TRPM6: variants seen among roughly 807,000 people sequenced by gnomAD.
The protein encoded by TRPM6 is channel kinase 2.
In TRPM6, 111 loss-of-function variants were observed where a neutral mutation model predicts 247.6. That is an observed-to-expected ratio of 0.45 (90% CI 0.38 to 0.52). The LOEUF (loss-of-function observed/expected upper bound fraction) is 0.52. Among genes scored for constraint, TRPM6 ranks in the 20% least tolerant of loss-of-function variants. TRPM6 has a pLI of 0.00. For missense variants in TRPM6, 2,126 were observed against 2,421.5 expected, an observed-to-expected ratio of 0.88 and a Z score of 2.56; for synonymous variants, 892 against 853.8, an observed-to-expected ratio of 1.04 and a Z score of -0.78.
At chr9:74,769,793 A>AAGGAAAGGAGGGAGGGAGGG (rs71368678) in intron 25 of TRPM6, among the ~76,000 whole-genome samples, 1 of 125,868 alleles carries the variant, frequency 7.9e-6, no homozygotes, top group Non-Finnish European at 1.6e-5. Context: ...GGACGGAAGG[A>AAGGAAAGGAGGGAGGGAGGG]AGGGAGGGAG....
At chr9:74,877,826 C>T (rs1163677441) in intron 1 of TRPM6, among the ~76,000 whole-genome samples, 1 of 152,122 alleles carries the variant, frequency 6.6e-6, no homozygotes, top group Non-Finnish European at 1.5e-5. Context: ...GCAGCAGGGC[C>T]ACAATGCAGC....
chr9:74,817,563 A>G (rs556467109), intron 9 of TRPM6, among the ~76,000 whole-genome samples: 3 of 152,176 alleles, frequency 2.0e-5, no homozygotes, highest in African/African-American at 4.8e-5. Flanking sequence ...AGTGGACCCA[A>G]TGAGCAAGTA....
chr9:74,737,230 T>C (rs1825724235), intron 36 of TRPM6: 1 of 204,580 alleles, frequency 4.9e-6, no homozygotes, highest in Admixed American at 6.5e-5. Context: ...GTGAGCAGCA[T>C]AAATCTGAAA....
intron 16 of TRPM6, 69 bp from the exon 17 acceptor site, chr9:74,800,551 G>A (rs1828289446): frequency 7.5e-6 from 8 of 1,066,946 alleles, no homozygotes; most frequent in Non-Finnish European, 1.0e-5. Context: ...AAACATTTTA[G>A]AACATTTAGA....
At chr9:74,845,869 T>C (rs1300646584) in intron 3 of TRPM6, among the ~76,000 whole-genome samples, 1 of 152,166 alleles carries the variant, frequency 6.6e-6, no homozygotes, top group Admixed American at 6.6e-5. Context: ...TTTTATGCAT[T>C]ATCTACAACA....
intron 14 of TRPM6, among the ~76,000 whole-genome samples, chr9:74,805,489 A>G (rs1444681095): frequency 1.3e-5 from 2 of 152,244 alleles, no homozygotes; most frequent in Non-Finnish European, 2.9e-5. Flanking sequence ...CAATTTTCAG[A>G]CAATGCTACT....
At chr9:74,858,077 T>G (rs1371957109) in intron 2 of TRPM6, among the ~76,000 whole-genome samples, 1 of 152,198 alleles carries the variant, frequency 6.6e-6, no homozygotes, top group African/African-American at 2.4e-5. Flanking sequence ...AATAACTTCT[T>G]TGTACTTCAT....
intron 9 of TRPM6, among the ~76,000 whole-genome samples, chr9:74,819,694 A>G (rs1829075384): frequency 6.6e-6 from 1 of 152,178 alleles, no homozygotes; most frequent in African/African-American, 2.4e-5. Flanking sequence ...GGATTTACTC[A>G]GGACGCTGTG....
At chr9:74,881,333 C>CA (rs899570741) in intron 1 of TRPM6, among the ~76,000 whole-genome samples, 1 of 151,404 alleles carries the variant, frequency 6.6e-6, no homozygotes, top group East Asian at 1.9e-4. Flanking sequence ...TTAAAAGAGA[C>CA]AAAAAATGTA....
chr9:74,738,448 T>G lies in TRPM6; in HGVS notation c.5735A>C (p.Tyr1912Ser). The change falls in exon 36 of 39, where the codon TAT (tyrosine) becomes TCT (serine). Residue 1912 changes from tyrosine (Y) to serine (S), a missense_variant. By Grantham distance (144) the Tyr-to-Ser change is moderately radical (BLOSUM62 -2). This residue lies in a region of TRPM6 where 327 missense variants were observed against 397.7 expected (regional missense o/e 0.82). Transcript: ENST00000360774. ...CAGCAGCTCTCCCCGAGTGTACTCA[T>G]AGGTCCAGTGAGAGAAAGCCAACAT... The part of the protein sequence containing the change: ...ELMLAFSHWT[Y>S]EYTRGELLVL... The G allele has an allele frequency of 6.2e-7, 1 of 1,614,114 alleles. No individual in the cohort carries two copies. The highest frequency in any genetic ancestry group is 8.5e-7 in the Non-Finnish European group (1 of 1,179,982).
intron 21 of TRPM6, among the ~76,000 whole-genome samples, chr9:74,784,626 G>A (rs947907646): frequency 2.0e-5 from 3 of 152,104 alleles, no homozygotes; most frequent in Non-Finnish European, 4.4e-5. Context: ...CATGAATCTC[G>A]TCCTTGGGAA....
At chr9:74,784,531 A>C (rs1227445387) in intron 21 of TRPM6, among the ~76,000 whole-genome samples, 2 of 152,178 alleles carry the variant, frequency 1.3e-5, no homozygotes, top group South Asian at 2.1e-4. Flanking sequence ...AGCACGATTT[A>C]AGAGTGTGAT....
At chr9:74,753,523 C>T (rs1485407686) in intron 28 of TRPM6, among the ~76,000 whole-genome samples, 1 of 152,018 alleles carries the variant, frequency 6.6e-6, no homozygotes, top group Non-Finnish European at 1.5e-5. Context: ...TAGTGAGACC[C>T]CCATCTCTAC....
intron 1 of TRPM6, chr9:74,887,423 G>A: frequency 2.5e-6 from 3 of 1,213,680 alleles, no homozygotes; most frequent in East Asian, 2.6e-5. Flanking sequence ...TCTCTCCTCC[G>A]GATTCTCAGC....
At chr9:74,782,545 T>C in intron 22 of TRPM6, 69 bp from the exon 23 acceptor site, 1 of 1,446,030 alleles carries the variant, frequency 6.9e-7, no homozygotes, top group Non-Finnish European at 9.7e-7. Flanking sequence ...TAGACACACA[T>C]TTAGCACATT....
At chr9:74,868,349 G>T (rs918809418) in intron 1 of TRPM6, among the ~76,000 whole-genome samples, 2 of 151,672 alleles carry the variant, frequency 1.3e-5, no homozygotes, top group Non-Finnish European at 2.9e-5. Flanking sequence ...ACAAAAATTA[G>T]CTGGGCATGG....
intron 14 of TRPM6, among the ~76,000 whole-genome samples, 196 bp downstream of exon 14, chr9:74,807,838 C>T (rs1425075666): frequency 6.6e-6 from 1 of 152,176 alleles, no homozygotes; most frequent in East Asian, 1.9e-4. Context: ...AGTTTCTAAA[C>T]TTCTGATCCT....
intron 18 of TRPM6, among the ~76,000 whole-genome samples, chr9:74,794,368 C>A (rs894531371): frequency 3.9e-5 from 6 of 151,930 alleles, no homozygotes; most frequent in African/African-American, 1.5e-4. Flanking sequence ...AAAAATGTGA[C>A]TTTTAAGGCC....
At chr9:74,751,937 T>C (rs1038151432) in intron 29 of TRPM6, among the ~76,000 whole-genome samples, 4 of 152,248 alleles carry the variant, frequency 2.6e-5, no homozygotes, top group Non-Finnish European at 4.4e-5. Context: ...TAAAAGTGTA[T>C]AGAAAATAGC....
Sources: allele counts gnomAD v4.1 joint callset (sites outside exome capture counted in the v4.1 genomes callset), GRCh38; gene constraint gnomAD v4.1.1; regional missense constraint gnomAD v4.1.1; transcripts MANE v1.5; gene names NCBI Gene and HGNC (gene_info 2026-07-23, HGNC 2026-07-21).